CCDC38: variants seen among roughly 807,000 people sequenced by gnomAD.
The protein encoded by CCDC38 is coiled-coil domain containing 38.
A neutral mutation model predicts 72.8 loss-of-function variants in CCDC38; 69 were observed. The ratio of observed to expected loss-of-function variants is 0.95; its 90% CI spans 0.78 to 1.16. The LOEUF (loss-of-function observed/expected upper bound fraction) is 1.16. Among genes scored for constraint, CCDC38 ranks in the 50% most tolerant of loss-of-function variants. The probability of loss-of-function intolerance (pLI) is 0.00; values close to 1 mark genes in which losing one functional copy is unlikely to be tolerated. For synonymous variants in CCDC38, 201 were observed against 213.2 expected (o/e 0.94, Z 0.50); for missense variants, 626 against 638.9 (o/e 0.98, Z 0.22).
chr12:95,895,549 C>T (rs528149129), intron 7 of CCDC38, among the ~76,000 whole-genome samples: 2 of 151,572 alleles, frequency 1.3e-5, no homozygotes, highest in Non-Finnish European at 2.9e-5. Context: ...GTCAGGAGTT[C>T]AAGACCAGCC....
intron 3 of CCDC38, 75 bp from the exon 4 acceptor site, chr12:95,917,369 A>C (rs895734605): frequency 8.2e-7 from 1 of 1,214,138 alleles, no homozygotes; most frequent in Non-Finnish European, 1.1e-6. Context: ...GATTATATAT[A>C]AAAATAACAT....
At chr12:95,888,126 A>T (rs1347044138) in intron 10 of CCDC38, among the ~76,000 whole-genome samples, 2 of 152,208 alleles carry the variant, frequency 1.3e-5, no homozygotes, top group Non-Finnish European at 2.9e-5. Context: ...TATGATCCTA[A>T]TTGCAGGAAT....
intron 2 of CCDC38, chr12:95,919,435 CTA>C: frequency 4.6e-6 from 2 of 433,684 alleles, no homozygotes; most frequent in South Asian, 3.2e-5. Flanking sequence ...TTAATTTTGT[CTA>C]CCTATTAAGT....
intron 10 of CCDC38, among the ~76,000 whole-genome samples, chr12:95,881,826 G>A (rs1467578586): frequency 6.6e-6 from 1 of 152,168 alleles, no homozygotes; most frequent in Non-Finnish European, 1.5e-5. Context: ...ATTATTTGAG[G>A]TGCATCTATA....
intron 5 of CCDC38, among the ~76,000 whole-genome samples, chr12:95,905,179 AT>A (rs2079988698): frequency 6.6e-6 from 1 of 152,018 alleles, no homozygotes; most frequent in Admixed American, 6.5e-5. Context: ...TTTTGTTGTT[AT>A]TTTTTATCAT....
Position 95,942,239 on chromosome 12 carries a change from A to G in CCDC38, c.-15+192T>C, listed in dbSNP as rs529257930. On this transcript the variant is annotated intron_variant, in intron 1 of 15. Transcript: ENST00000344280. ...GAAATCAAGTAATTAAGGACTCAAA[A>G]GCCTGGGCCTGGCAGTGTTTCCATA... Among the ~76,000 whole-genome samples, 49 of 152,352 alleles carry G rather than the reference A, an allele frequency of 3.2e-4. 1 individual carries two copies. The highest frequency in any genetic ancestry group is 1.2e-3 in the African/African-American group (49 of 41,580).
rs1462693295 is a variant in CCDC38, at chr12:95,879,186, T to C, written c.1142+458A>G. Among the ~76,000 whole-genome samples, 1 of 152,186 alleles carries C rather than the reference T, an allele frequency of 6.6e-6. No homozygotes were observed. The highest frequency in any genetic ancestry group is 1.9e-4 in the East Asian group (1 of 5,200). ...AATCCTTTCTATATTCGCCCTGAGATATTGACAGGAACTTTATAAAATGAT... is the reference window on the plus strand; with the variant it reads ...AATCCTTTCTATATTCGCCCTGAGACATTGACAGGAACTTTATAAAATGAT... On this transcript the variant is annotated intron_variant, in intron 12 of 15. Transcript: ENST00000344280. This position sits in a 1 kb window ranked among gnomAD's most constrained non-coding sequence, Gnocchi z 5.5.
chr12:95,870,209 C>T (rs970856373), intron 14 of CCDC38, among the ~76,000 whole-genome samples: 4 of 152,126 alleles, frequency 2.6e-5, no homozygotes, highest in African/African-American at 7.2e-5. Flanking sequence ...CAAATAAATG[C>T]ATAGCTTAGT....
chr12:95,877,562 G>T (rs2079649070), intron 13 of CCDC38, among the ~76,000 whole-genome samples: 1 of 152,152 alleles, frequency 6.6e-6, no homozygotes, highest in Admixed American at 6.5e-5. Context: ...AATGTTAGAT[G>T]GAGCTGGTTG....
intron 2 of CCDC38, among the ~76,000 whole-genome samples, chr12:95,924,356 T>C (rs1338337947): frequency 1.4e-5 from 2 of 147,690 alleles, no homozygotes; most frequent in Non-Finnish European, 1.5e-5. Flanking sequence ...GAGAAGTGTC[T>C]GTTCATGTCC....
chr12:95,880,934 G>T (rs1349390918), intron 11 of CCDC38, among the ~76,000 whole-genome samples: 1 of 152,138 alleles, frequency 6.6e-6, no homozygotes. Flanking sequence ...TGACACTACT[G>T]TAATGCACAC....
At position 95,887,353 on chromosome 12, in the gene CCDC38, TC is replaced by T. The variant is rs1365366179; in HGVS notation, c.920+1104del. ...CACTATATCCCCAAACTAAAAATAATCCAGATGGCCTTCAATGAGCAAATAG... is the reference window on the plus strand; with the variant it reads ...CACTATATCCCCAAACTAAAAATAATCAGATGGCCTTCAATGAGCAAATAG... On this transcript the variant is annotated intron_variant, in intron 10 of 15. Transcript: ENST00000344280. Among the ~76,000 whole-genome samples, 3 of 152,272 alleles carry T rather than the reference TC, an allele frequency of 2.0e-5. No individual in the cohort carries two copies. In the East Asian group the frequency reaches 5.8e-4, roughly 29 times the overall value.
chr12:95,882,102 G>A (rs577794101), intron 10 of CCDC38, among the ~76,000 whole-genome samples: 1 of 152,186 alleles, frequency 6.6e-6, no homozygotes, highest in Non-Finnish European at 1.5e-5. Flanking sequence ...GCATAATCAT[G>A]TGGCTTGGAA....
At chr12:95,936,910 T>A (rs533800522) in intron 1 of CCDC38, among the ~76,000 whole-genome samples, 1 of 152,182 alleles carries the variant, frequency 6.6e-6, no homozygotes, top group African/African-American at 2.4e-5. Flanking sequence ...AAAAAATGCA[T>A]GCAAAAATCT....
intron 5 of CCDC38, among the ~76,000 whole-genome samples, chr12:95,900,654 T>C (rs2079940719): frequency 6.6e-6 from 1 of 152,226 alleles, no homozygotes; most frequent in South Asian, 2.1e-4. Flanking sequence ...TGTGCAATTG[T>C]CATTAGAATG....
intron 2 of CCDC38, among the ~76,000 whole-genome samples, chr12:95,921,821 A>T (rs1291062967): frequency 6.6e-6 from 1 of 152,012 alleles, no homozygotes; most frequent in East Asian, 1.9e-4. Flanking sequence ...GTCCACCTCA[A>T]CCTTACAAAA....
intron 8 of CCDC38, among the ~76,000 whole-genome samples, chr12:95,891,701 T>C (rs1438164590): frequency 2.0e-5 from 3 of 151,516 alleles, no homozygotes; most frequent in Admixed American, 6.6e-5. Context: ...GTTTTTTTTT[T>C]CCCACTTGTT....
chr12:95,881,519 T>G lies in CCDC38; in HGVS notation c.956A>C (p.Glu319Ala). The change falls in exon 11 of 16, where the codon GAA becomes GCA. Residue 319 changes from glutamate to alanine, a missense_variant. By Grantham distance (107) the Glu-to-Ala change is moderately radical. Coordinates refer to ENST00000344280, the MANE Select transcript of CCDC38 (RefSeq NM_182496.3). The part of the protein sequence containing the change: ...AESFGSEDSL[E>A]FLLDDEMDVD... ...GTCCATTTCATCATCTAAAAGGAATTCCAAACTGTCTTCTGAACCGAAACT... is the reference window on the plus strand; with the variant it reads ...GTCCATTTCATCATCTAAAAGGAATGCCAAACTGTCTTCTGAACCGAAACT... 1.2e-6 allele frequency: 2 copies of G among 1,610,276 alleles called. No homozygotes were observed. Among genetic ancestry groups the G allele is most frequent in the Non-Finnish European group, 1.7e-6 (2 of 1,178,236 alleles).
chr12:95,927,140 G>A (rs1295043188), intron 2 of CCDC38, among the ~76,000 whole-genome samples: 1 of 151,910 alleles, frequency 6.6e-6, no homozygotes, highest in African/African-American at 2.4e-5. Flanking sequence ...TTGACAGTGG[G>A]GTGTTAAAGT....
Sources: allele counts gnomAD v4.1 joint callset (sites outside exome capture counted in the v4.1 genomes callset), GRCh38; gene constraint gnomAD v4.1.1; non-coding constraint Gnocchi (gnomAD v3.1); transcripts MANE v1.5; gene names NCBI Gene and HGNC (gene_info 2026-07-23, HGNC 2026-07-21).